Variants in YIPF7 observed in about 807,000 individuals in gnomAD.
YIPF7 encodes the protein Yip1 domain family member 7.
In YIPF7, 35 loss-of-function variants were observed where a neutral mutation model predicts 27.2. That is an observed-to-expected ratio of 1.29 (90% CI 0.98 to 1.70). The LOEUF (loss-of-function observed/expected upper bound fraction) is 1.70, where lower values mean the gene tolerates loss of function less well. Among genes scored for constraint, YIPF7 ranks in the 40% most tolerant of loss-of-function variants. The probability of loss-of-function intolerance (pLI) is 0.00; values close to 1 mark genes in which losing one functional copy is unlikely to be tolerated. For missense variants in YIPF7, 358 were observed against 303.7 expected (o/e 1.18, Z -1.33); for synonymous variants, 137 against 110.4 (o/e 1.24, Z -1.51).
chr4:44,641,384 T>G (rs1159321306), intron 2 of YIPF7, among the ~76,000 whole-genome samples: 1 of 152,202 alleles, frequency 6.6e-6, no homozygotes, highest in Non-Finnish European at 1.5e-5. Flanking sequence ...AATGGGCAAT[T>G]CAACTTTGCC....
chr4:44,645,402 T>C (rs1171701386), intron 2 of YIPF7, among the ~76,000 whole-genome samples: 1 of 152,202 alleles, frequency 6.6e-6, no homozygotes, highest in Non-Finnish European at 1.5e-5. Flanking sequence ...ATAATGGATC[T>C]GGACACTTCA....
At chr4:44,628,381 T>A (rs540469047) in intron 4 of YIPF7, among the ~76,000 whole-genome samples, 1 of 146,780 alleles carries the variant, frequency 6.8e-6, no homozygotes, top group Non-Finnish European at 1.5e-5. Context: ...TGCAAATGCA[T>A]TTTACAACTA....
At chr4:44,626,816 C>T (rs1712662792) in intron 4 of YIPF7, among the ~76,000 whole-genome samples, 1 of 112,476 alleles carries the variant, frequency 8.9e-6, no homozygotes, top group African/African-American at 3.3e-5. Context: ...CGCTCTTTCG[C>T]CCAGGCCGGA....
intron 1 of YIPF7, among the ~76,000 whole-genome samples, chr4:44,661,862 A>C (rs1417712589): frequency 6.6e-6 from 1 of 152,198 alleles, no homozygotes; most frequent in African/African-American, 2.4e-5. Flanking sequence ...TTGGTCTTTA[A>C]TTACCAAGTT....
chr4:44,625,611 A>C (rs1372327865), intron 4 of YIPF7, among the ~76,000 whole-genome samples: 2 of 152,202 alleles, frequency 1.3e-5, no homozygotes, highest in African/African-American at 2.4e-5. Flanking sequence ...GTACTGTCAA[A>C]GGAAGTTAGT....
At chr4:44,646,250 G>C (rs1713521882) in intron 2 of YIPF7, among the ~76,000 whole-genome samples, 1 of 152,158 alleles carries the variant, frequency 6.6e-6, no homozygotes, top group Non-Finnish European at 1.5e-5. Context: ...AAGTGCCCTT[G>C]GTAAGACCTT....
At chr4:44,654,029 T>C (rs900975773), upstream of YIPF7, among the ~76,000 whole-genome samples, 1 of 151,978 alleles carries the variant, frequency 6.6e-6, no homozygotes, top group Non-Finnish European at 1.5e-5. Context: ...AAATGGCATA[T>C]AAAAAAATTA....
At chr4:44,639,101 T>G (rs1390689227) in intron 2 of YIPF7, among the ~76,000 whole-genome samples, 2 of 152,232 alleles carry the variant, frequency 1.3e-5, no homozygotes, top group Non-Finnish European at 2.9e-5. Flanking sequence ...AGCCTTGTAA[T>G]ATAATTTCAG....
At position 44,622,349 on chromosome 4, in the gene YIPF7, G is replaced by A; in HGVS notation, c.*65C>T. 6.6e-7 allele frequency: 1 copy of A among 1,514,894 alleles called. No individual in the cohort carries two copies. 93.8% of individuals were successfully genotyped at this position (1,514,894 alleles called of 1,614,324 possible). Reference sequence around the variant, plus strand: ...AGAAATCATATCACCAAATTTGAATGTTAATATATTTCCAAAATAATCTGG... The same window carrying A: ...AGAAATCATATCACCAAATTTGAATATTAATATATTTCCAAAATAATCTGG... On this transcript the variant is annotated 3_prime_UTR_variant, in exon 6 of 6. Transcript: ENST00000415895.
chr4:44,647,945 C>T (rs898812608), intron 2 of YIPF7, among the ~76,000 whole-genome samples: 2 of 151,936 alleles, frequency 1.3e-5, no homozygotes, highest in African/African-American at 4.8e-5. Flanking sequence ...TTGAAATATA[C>T]CACATATCCT....
chr4:44,658,712 A>G (rs1241704352), intron 2 of YIPF7, among the ~76,000 whole-genome samples: 1 of 152,232 alleles, frequency 6.6e-6, no homozygotes, highest in African/African-American at 2.4e-5. Context: ...TGGGTAATTT[A>G]CAAAGAAAAA....
chr4:44,658,992 T>G lies in YIPF7; in HGVS notation c.-2+1457A>C, dbSNP rs1713974970. Among the ~76,000 whole-genome samples, 3 of 152,134 alleles carry G rather than the reference T, an allele frequency of 2.0e-5. No homozygotes were observed. The South Asian group carries it at 6.2e-4, about 32-fold the overall frequency. The stretch of plus-strand genomic sequence containing the variant: ...CAAACCATATCACTATTATTTATAT[T>G]TATTTCTATATAAAAATATGAAATA... On this transcript the variant is annotated intron_variant, in intron 2 of 2. Coordinates refer to the YIPF7 transcript ENST00000508947.
intron 4 of YIPF7, among the ~76,000 whole-genome samples, chr4:44,626,401 T>G (rs1712636917): frequency 6.6e-6 from 1 of 152,190 alleles, no homozygotes; most frequent in Non-Finnish European, 1.5e-5. Context: ...GGGATAAATC[T>G]GAGGTAGGGC....
intron 2 of YIPF7, among the ~76,000 whole-genome samples, chr4:44,647,282 G>A (rs530344881): frequency 4.6e-5 from 7 of 152,290 alleles, no homozygotes; most frequent in Admixed American, 3.3e-4. Context: ...ATTGGAGTGC[G>A]TGGGGTGGGT....
intron 3 of YIPF7, among the ~76,000 whole-genome samples, chr4:44,632,644 G>C (rs532658444): frequency 3.9e-5 from 6 of 152,160 alleles, no homozygotes; most frequent in Non-Finnish European, 8.8e-5. Flanking sequence ...AATTTTATAG[G>C]CCATTCTGTT....
In YIPF7 at chr4:44,647,705, A is replaced by T. The variant is rs539799622; in HGVS notation, c.116+2280T>A. On this transcript the variant is annotated intron_variant, in intron 2 of 5. Coordinates refer to ENST00000415895, the MANE Select transcript of YIPF7 (RefSeq NM_182592.3). Reference sequence around the variant, plus strand: ...ATATTCAACTTTTCCAGCCTAAAAAAAATTATATCTCAATACCTTTCCCTA... The same window carrying T: ...ATATTCAACTTTTCCAGCCTAAAAATAATTATATCTCAATACCTTTCCCTA... Among the ~76,000 whole-genome samples, 6 of 152,248 alleles carry T rather than the reference A, an allele frequency of 3.9e-5. No homozygotes were observed. The South Asian group carries it at 1.2e-3, about 32-fold the overall frequency.
chr4:44,642,978 G>C (rs1286610961), intron 2 of YIPF7, among the ~76,000 whole-genome samples: 1 of 152,154 alleles, frequency 6.6e-6, no homozygotes, highest in African/African-American at 2.4e-5. Flanking sequence ...GAGGAGTGGG[G>C]GCATTGCTAT....
upstream of YIPF7, among the ~76,000 whole-genome samples, chr4:44,654,693 C>G (rs985349516): frequency 2.6e-5 from 4 of 151,998 alleles, no homozygotes; most frequent in African/African-American, 4.8e-5. Context: ...ACTGCCTTCT[C>G]TATTTCAAGA....
intron 1 of YIPF7, among the ~76,000 whole-genome samples, chr4:44,650,984 T>C (rs1713717119): frequency 6.6e-6 from 1 of 152,248 alleles, no homozygotes; most frequent in African/African-American, 2.4e-5. Context: ...CAACATTTAA[T>C]TCTTTATTTT....
Sources: allele counts gnomAD v4.1 joint callset (sites outside exome capture counted in the v4.1 genomes callset), GRCh38; gene constraint gnomAD v4.1.1; transcripts MANE v1.5; gene names NCBI Gene and HGNC (gene_info 2026-07-23, HGNC 2026-07-21).